CAMK1D: variants seen among roughly 807,000 people sequenced by gnomAD.
CAMK1D encodes calcium/calmodulin dependent protein kinase ID.
A neutral mutation model predicts 47.7 loss-of-function variants in CAMK1D; 9 were observed. The ratio of observed to expected loss-of-function variants is 0.19; its 90% CI spans 0.11 to 0.33. The LOEUF (loss-of-function observed/expected upper bound fraction) is 0.33, where lower values mean the gene tolerates loss of function less well. Among genes scored for constraint, CAMK1D ranks in the 10% least tolerant of loss-of-function variants. The probability of loss-of-function intolerance (pLI) is 1.00; values close to 1 mark genes in which losing one functional copy is unlikely to be tolerated. For missense variants in CAMK1D, 291 were observed against 488.7 expected, an observed-to-expected ratio of 0.60 and a Z score of 3.81; for synonymous variants, 184 against 184.9, an observed-to-expected ratio of 0.99 and a Z score of 0.04.
At chr10:12,608,756 C>T (rs1838537352) in intron 2 of CAMK1D, among the ~76,000 whole-genome samples, 1 of 152,206 alleles carries the variant, frequency 6.6e-6, no homozygotes, top group African/African-American at 2.4e-5. Flanking sequence ...TTACTTCAAA[C>T]ATGTTAGATT....
At chr10:12,545,620 T>G (rs1384538490) in intron 1 of CAMK1D, among the ~76,000 whole-genome samples, 1 of 151,492 alleles carries the variant, frequency 6.6e-6, no homozygotes, top group Non-Finnish European at 1.5e-5. Context: ...GCCAACATGG[T>G]GAAACCCCGT....
intron 3 of CAMK1D, among the ~76,000 whole-genome samples, chr10:12,694,476 AAT>A (rs1331111313): frequency 1.3e-4 from 15 of 119,396 alleles, no homozygotes; most frequent in South Asian, 2.9e-4. Flanking sequence ...TCATATATAA[AAT>A]ATATATGATA....
intron 2 of CAMK1D, among the ~76,000 whole-genome samples, chr10:12,615,475 C>T (rs183787597): frequency 6.9e-5 from 10 of 143,964 alleles, no homozygotes; most frequent in South Asian, 2.2e-4. Context: ...AGTGTGTGCA[C>T]GTGTGTAGGT....
intron 1 of CAMK1D, among the ~76,000 whole-genome samples, chr10:12,394,212 G>C (rs1027263797): frequency 2.6e-5 from 4 of 152,140 alleles, no homozygotes; most frequent in Admixed American, 1.3e-4. Flanking sequence ...GAGTTGCATG[G>C]GGCGAGGTGT....
chr10:12,472,737 G>A (rs1833784742), intron 1 of CAMK1D, among the ~76,000 whole-genome samples: 1 of 152,152 alleles, frequency 6.6e-6, no homozygotes, highest in Non-Finnish European at 1.5e-5. Context: ...GGCCAGGCTG[G>A]TCTCGAACTC....
intron 1 of CAMK1D, among the ~76,000 whole-genome samples, chr10:12,476,372 AG>A (rs1045596091): frequency 1.3e-5 from 2 of 152,042 alleles, no homozygotes; most frequent in African/African-American, 4.8e-5. Flanking sequence ...TGTCTGGAAA[AG>A]GGGGAGGGTG....
chr10:12,376,535 G>A (rs1838187368), intron 1 of CAMK1D, among the ~76,000 whole-genome samples: 1 of 152,142 alleles, frequency 6.6e-6, no homozygotes, highest in Admixed American at 6.5e-5. Flanking sequence ...ATGTGTTGGT[G>A]TGAAGGGTCT....
intron 2 of CAMK1D, among the ~76,000 whole-genome samples, chr10:12,574,497 T>TTTA (rs368308201): frequency 0.09 from 11,557 of 128,618 alleles, 964 homozygotes; most frequent in Non-Finnish European, 0.13. Flanking sequence ...TTTTTTTTTT[T>TTTA]AGTAGAGACG....
At chr10:12,541,852 T>TTCCTTCCTTCCTTCCTTCCTTCCG (rs2132246176) in intron 1 of CAMK1D, among the ~76,000 whole-genome samples, 2 of 138,078 alleles carry the variant, frequency 1.4e-5, no homozygotes, top group South Asian at 5.9e-4. Context: ...TCTTCCTTCC[T>TTCCTTCCTTCCTTCCTTCCTTCCG]TCCTTCCTTC....
chr10:12,805,856 CA>C (rs1838705355), intron 6 of CAMK1D, among the ~76,000 whole-genome samples: 1 of 152,152 alleles, frequency 6.6e-6, no homozygotes, highest in Admixed American at 6.5e-5. Flanking sequence ...GGTATAGGAC[CA>C]GGGTTGCAAA....
At chr10:12,667,840 G>T (rs908335559) in intron 3 of CAMK1D, among the ~76,000 whole-genome samples, 1 of 152,154 alleles carries the variant, frequency 6.6e-6, no homozygotes, top group African/African-American at 2.4e-5. Context: ...ATGCAAATAA[G>T]TGTTCATCGG....
intron 1 of CAMK1D, among the ~76,000 whole-genome samples, chr10:12,430,100 A>G (rs948623283): frequency 1.3e-5 from 2 of 151,966 alleles, no homozygotes; most frequent in African/African-American, 2.4e-5. Flanking sequence ...AAACACTTAC[A>G]TCCCCCACTG....
At chr10:12,741,248 G>C (rs1352905078) in intron 3 of CAMK1D, among the ~76,000 whole-genome samples, 3 of 152,202 alleles carry the variant, frequency 2.0e-5, no homozygotes, top group Non-Finnish European at 4.4e-5. Context: ...AGTACTCTCA[G>C]ATTTTCCCAT....
At chr10:12,586,974 G>T (rs1193202516) in intron 2 of CAMK1D, among the ~76,000 whole-genome samples, 1 of 152,170 alleles carries the variant, frequency 6.6e-6, no homozygotes, top group African/African-American at 2.4e-5. Context: ...CTCACAGGAA[G>T]GCTGCTCTGA....
chr10:12,720,268 C>A (rs1453629028), intron 3 of CAMK1D, among the ~76,000 whole-genome samples: 1 of 152,208 alleles, frequency 6.6e-6, no homozygotes, highest in African/African-American at 2.4e-5. Context: ...GGTCCGTCTG[C>A]AGAATTCCTA....
intron 1 of CAMK1D, among the ~76,000 whole-genome samples, chr10:12,468,201 G>A (rs879475638): frequency 1.1e-4 from 16 of 152,102 alleles, no homozygotes; most frequent in Non-Finnish European, 1.9e-4. Context: ...GACTACAGGT[G>A]CTTAACACTA....
At chr10:12,456,766 C>CAAA (rs34797265) in intron 1 of CAMK1D, 1,285 of 69,146 alleles carry the variant, frequency 0.019, 180 homozygotes, top group East Asian at 0.068. Flanking sequence ...GACTCTGTCT[C>CAAA]AAAAAAAAAA....
At chr10:12,648,979 G>A (rs187829352) in intron 2 of CAMK1D, among the ~76,000 whole-genome samples, 1 of 152,074 alleles carries the variant, frequency 6.6e-6, no homozygotes, top group African/African-American at 2.4e-5. Flanking sequence ...GTCATCCACC[G>A]CCTCAGCCTT....
At chr10:12,488,383 A>G (rs989609886) in intron 1 of CAMK1D, among the ~76,000 whole-genome samples, 1 of 152,152 alleles carries the variant, frequency 6.6e-6, no homozygotes, top group Non-Finnish European at 1.5e-5. Flanking sequence ...GGATCAACTC[A>G]CTATGAACAT....
Sources: allele counts gnomAD v4.1 joint callset (sites outside exome capture counted in the v4.1 genomes callset), GRCh38; gene constraint gnomAD v4.1.1; transcripts MANE v1.5; gene names NCBI Gene and HGNC (gene_info 2026-07-23, HGNC 2026-07-21).